Variants in NIN observed in about 807,000 individuals in gnomAD.
NIN encodes the protein ninein, also known as glycogen synthase kinase 3 beta-interacting protein.
NIN carries 137 observed loss-of-function variants against 257.6 expected under a neutral mutation model. The observed-to-expected ratio is 0.53, with a 90% CI of 0.46 to 0.61. NIN has a LOEUF of 0.61. Among genes scored for constraint, NIN ranks in the 20% least tolerant of loss-of-function variants. NIN has a pLI of 0.00. For missense variants in NIN, 2,439 were observed against 2,501.2 expected (o/e 0.98, Z 0.53); for synonymous variants, 918 against 919.8 (o/e 1.00, Z 0.04).
Position 50,736,036 on chromosome 14 carries a change from G to C in NIN, c.5776-419C>G, listed in dbSNP as rs536649237. ...TTTCATTATCCTCTACTATGGATCT[G>C]CAGCAGGAAAAATACTGTCTTAATG... is the stretch of plus-strand genomic sequence containing the variant. On this transcript the variant is annotated intron_variant, in intron 27 of 30. Coordinates refer to ENST00000530997, the MANE Select transcript of NIN (RefSeq NM_020921.4). Among the ~76,000 whole-genome samples the C allele has an allele frequency of 2.0e-5, 3 of 152,252 alleles. No individual in the cohort carries two copies. In the South Asian group the frequency reaches 6.2e-4, roughly 32 times the overall value.
At chr14:50,749,843 C>T (rs983261268) in intron 21 of NIN, among the ~76,000 whole-genome samples, 4 of 152,048 alleles carry the variant, frequency 2.6e-5, no homozygotes, top group Non-Finnish European at 4.4e-5. Context: ...GGGCATGCCA[C>T]CATGCCCTAC....
chr14:50,771,585 A>G lies in NIN; in HGVS notation c.982-117T>C, dbSNP rs1398016010. ...GCTGACAATGATCTAGCAATTAGACAATTCCATTGCTTTGGTGATTGCTTA... is the reference window on the plus strand; with the variant it reads ...GCTGACAATGATCTAGCAATTAGACGATTCCATTGCTTTGGTGATTGCTTA... On this transcript the variant is annotated intron_variant, in intron 9 of 30. Coordinates refer to ENST00000530997, the MANE Select transcript of NIN (RefSeq NM_020921.4). 4.6e-6 allele frequency: 5 copies of G among 1,076,928 alleles called. 1 individual carries two copies. The highest frequency in any genetic ancestry group is 4.7e-5 in the Admixed American group (2 of 42,776). The allele number at this position is 1,076,928 out of a possible 1,614,324, so 66.7% of individuals were successfully genotyped here.
rs150329048 is a variant in NIN at position 50,820,516 on chromosome 14, C to A, written c.183+1358G>T. ...TTTAGACACCAAAAGTACTGAGATC[C>A]CCAAGGACCATACTGGGAGATGCCA... On this transcript the variant is annotated intron_variant, in intron 3 of 30. Coordinates refer to ENST00000530997, the MANE Select transcript of NIN (RefSeq NM_020921.4). Among the ~76,000 whole-genome samples the A allele has an allele frequency of 3.1e-3, 477 of 152,306 alleles. 2 individuals carry two copies. The highest frequency in any genetic ancestry group is 0.011 in the African/African-American group (460 of 41,562).
chr14:50,779,766 A>AAAAAG (rs1418396355), intron 5 of NIN, among the ~76,000 whole-genome samples: 1 of 152,170 alleles, frequency 6.6e-6, no homozygotes, highest in Non-Finnish European at 1.5e-5. Context: ...TCAAAAAAAA[A>AAAAAG]AAAAGAAAAG....
intron 12 of NIN, among the ~76,000 whole-genome samples, chr14:50,767,608 G>T (rs554930753): frequency 1.3e-5 from 2 of 152,106 alleles, no homozygotes; most frequent in East Asian, 1.9e-4. Flanking sequence ...ATGAGGTCAG[G>T]AGATCGAGAC....
intron 20 of NIN, among the ~76,000 whole-genome samples, 158 bp downstream of exon 20, chr14:50,754,401 GAGTC>G (rs1311035630): frequency 6.6e-6 from 1 of 152,106 alleles, no homozygotes; most frequent in Admixed American, 6.5e-5. Flanking sequence ...AGCTAGTTTA[GAGTC>G]AGTATGAGGT....
intron 5 of NIN, among the ~76,000 whole-genome samples, chr14:50,779,308 A>G (rs182456250): frequency 6.6e-6 from 1 of 152,356 alleles, no homozygotes; most frequent in East Asian, 1.9e-4. Flanking sequence ...GCAGACAAGA[A>G]AACAGGAAAT....
At chr14:50,751,720 T>C (rs2041797589) in intron 21 of NIN, among the ~76,000 whole-genome samples, 1 of 151,914 alleles carries the variant, frequency 6.6e-6, no homozygotes, top group African/African-American at 2.4e-5. Context: ...AGAGATGGAG[T>C]CTTGTTATGT....
Position 50,723,728 on chromosome 14 carries a change from T to A in NIN, c.6193-56A>T, listed in dbSNP as rs150691443. The A allele has an allele frequency of 2.8e-5, 41 of 1,460,400 alleles. 1 individual carries two copies. The African/African-American group carries it at 4.7e-4, about 17-fold the overall frequency. The allele number at this position is 1,460,400 out of a possible 1,614,324, so 90.5% of individuals were successfully genotyped here. A position where few individuals can be genotyped will look rare whatever the true frequency, so the allele number is the denominator to read the frequency against. Reference sequence around the variant, plus strand: ...CATTTCTGTAACTCTTCTTAAACCTTCAGTTTAAGGTCTGACATAAGGACA... The same window carrying A: ...CATTTCTGTAACTCTTCTTAAACCTACAGTTTAAGGTCTGACATAAGGACA... On this transcript the variant is annotated intron_variant, in intron 30 of 30. Transcript: ENST00000530997.
chr14:50,794,240 G>T (rs1037852575), intron 4 of NIN, among the ~76,000 whole-genome samples: 2 of 152,128 alleles, frequency 1.3e-5, no homozygotes, highest in African/African-American at 4.8e-5. Flanking sequence ...CACAAATGTG[G>T]CCAGACACAT....
intron 3 of NIN, among the ~76,000 whole-genome samples, chr14:50,811,760 T>G (rs890669285): frequency 1.3e-5 from 2 of 151,662 alleles, no homozygotes; most frequent in Non-Finnish European, 2.9e-5. Flanking sequence ...TCTGGGAGGC[T>G]GAGGTGGGCG....
In NIN at chr14:50,739,345, T is replaced by C. The variant is rs2041159346; in HGVS notation, c.5591A>G (p.Gln1864Arg). Residue 1864 changes from glutamine (Q) to arginine (R), a missense_variant, in exon 26 of 31, where the codon CAG (glutamine) becomes CGG (arginine). This residue lies in a region of NIN where 2,043 missense variants were observed against 2,050.2 expected (regional missense o/e 1.00). Transcript: ENST00000530997. ...QENERLQTMV[Q>R]NTKAELTHSR... ...GTGCGTGAGTTCGGCTTTGGTGTTC[T>C]GTACCATGGTCTGGAGCCTCTCATT... is the stretch of plus-strand genomic sequence containing the variant. 3 of 1,614,118 alleles carry C rather than the reference T, an allele frequency of 1.9e-6. No individual in the cohort carries two copies. Among genetic ancestry groups the C allele is most frequent in the South Asian group, 1.1e-5 (1 of 91,094 alleles).
Position 50,754,810 on chromosome 14 carries a change from A to C in NIN, c.4596T>G (p.Thr1532=). ...ENSILRNEIT[T]LNEEDSISNL... ...TAGAAATGCTATCTTCTTCATTTAA[A>C]GTAGTAATTTCATTTCTCAAAATAG... The change falls in exon 19 of 31, where the codon ACT becomes ACG. Residue 1532 remains threonine (T), a synonymous_variant. Transcript: ENST00000530997. 1 of 1,581,642 alleles carries C rather than the reference A, an allele frequency of 6.3e-7. No homozygotes were observed. Among genetic ancestry groups the C allele is most frequent in the Non-Finnish European group, 8.6e-7 (1 of 1,162,924 alleles).
In NIN at chr14:50,757,076, A is replaced by G. The variant is rs142326581; in HGVS notation, c.3954T>C (p.Asn1318=). 76 of 1,613,324 alleles carry G rather than the reference A, an allele frequency of 4.7e-5. No homozygotes were observed. In the Middle Eastern group the frequency reaches 8.3e-4, roughly 18 times the overall value. Residue 1318 remains asparagine, a synonymous_variant, in exon 18 of 31, where the codon AAT becomes AAC. Coordinates refer to ENST00000530997, the MANE Select transcript of NIN (RefSeq NM_020921.4). ...TCAAAACCAGAACATTCAGCCCCTC[A>G]TTTTCTATTTTGACCTCATCGTAAC... The part of the protein sequence containing the change: ...EKSYDEVKIE[N]EGLNVLVLRL...
intron 12 of NIN, 26 bp downstream of exon 12, chr14:50,770,362 G>T: frequency 6.2e-7 from 1 of 1,607,292 alleles, no homozygotes; most frequent in South Asian, 1.1e-5. Context: ...CAGGGACGCA[G>T]ACCACAGAAC....
chr14:50,829,350 G>A (rs919036186), intron 2 of NIN, among the ~76,000 whole-genome samples: 8 of 152,140 alleles, frequency 5.3e-5, no homozygotes, highest in African/African-American at 1.9e-4. Context: ...GAAGACTCAA[G>A]GTAAAATTAA....
At chr14:50,765,324 G>A (rs2042437230) in intron 14 of NIN, among the ~76,000 whole-genome samples, 1 of 152,104 alleles carries the variant, frequency 6.6e-6, no homozygotes, top group Admixed American at 6.5e-5. Context: ...TTCATTAAAT[G>A]TAAAGACATT....
intron 5 of NIN, among the ~76,000 whole-genome samples, chr14:50,788,516 G>T (rs1222995458): frequency 6.6e-6 from 1 of 152,162 alleles, no homozygotes; most frequent in East Asian, 1.9e-4. Flanking sequence ...CCATAATTTG[G>T]GTTATGCTTA....
intron 30 of NIN, among the ~76,000 whole-genome samples, chr14:50,724,711 C>T (rs902693222): frequency 2.0e-4 from 30 of 152,176 alleles, no homozygotes; most frequent in African/African-American, 7.0e-4. Context: ...ACTGGCAATG[C>T]TGAAGTGTTT....
Sources: gnomAD v4.1 joint callset for allele counts (sites outside exome capture counted in the v4.1 genomes callset) on GRCh38, gnomAD v4.1.1 for gene constraint, gnomAD v4.1.1 regional missense constraint, MANE v1.5 for transcripts, NCBI Gene and HGNC (gene_info 2026-07-23, HGNC 2026-07-21) for gene names.